The following NLGN4Y variants were observed in gnomAD, a reference collection of about 807,000 sequenced individuals.
The protein encoded by NLGN4Y is neuroligin 4 Y-linked.
A neutral mutation model predicts 8.4 loss-of-function variants in NLGN4Y; 4 were observed. The ratio of observed to expected loss-of-function variants is 0.48; its 90% CI spans 0.23 to 1.09. The LOEUF is 1.09. Among genes scored for constraint, NLGN4Y ranks in the 50% least tolerant of loss-of-function variants. The pLI is 0.19. For synonymous variants in NLGN4Y, 35 were observed against 75.6 expected (o/e 0.46, Z 2.78); for missense variants, 90 against 192.3 (o/e 0.47, Z 3.15).
intron 2 of NLGN4Y, among the ~76,000 whole-genome samples, chrY:14,705,087 CA>C (rs2150546996): frequency 3.1e-5 from 1 of 32,253 alleles, no homozygotes; most frequent in Non-Finnish European, 7.6e-5. Flanking sequence ...ATCTTCCTTC[CA>C]AAGAGTGTAC....
At chrY:14,778,452 C>T (rs964535742) in intron 4 of NLGN4Y, among the ~76,000 whole-genome samples, 5 of 33,894 alleles carry the variant, frequency 1.5e-4, no homozygotes, top group African/African-American at 5.8e-4. Context: ...GGGGCGTCTC[C>T]TATTATTGTG....
chrY:14,657,676 C>T, intron 2 of NLGN4Y, among the ~76,000 whole-genome samples: 1 of 28,099 alleles, frequency 3.6e-5, no homozygotes, highest in Non-Finnish European at 7.9e-5. Context: ...AAAGATGTCA[C>T]TTTGTGCAGC....
intron 4 of NLGN4Y, among the ~76,000 whole-genome samples, chrY:14,735,416 T>C (rs771720219): frequency 5.9e-5 from 2 of 33,940 alleles, no homozygotes; most frequent in African/African-American, 1.1e-4. Flanking sequence ...TTGCTCAACA[T>C]TTTTGTTGCT....
At chrY:14,673,729 C>G in intron 2 of NLGN4Y, among the ~76,000 whole-genome samples, 8 of 33,211 alleles carry the variant, frequency 2.4e-4, no homozygotes, top group Admixed American at 2.2e-3. Flanking sequence ...CACATGCACA[C>G]GTATGTTTAT....
chrY:14,766,305 T>C, intron 4 of NLGN4Y, among the ~76,000 whole-genome samples: 3 of 33,605 alleles, frequency 8.9e-5, no homozygotes, highest in African/African-American at 3.4e-4. Flanking sequence ...AAGAACATTC[T>C]ACAAAATTAG....
At chrY:14,818,563 C>A (rs2043110906) in intron 4 of NLGN4Y, among the ~76,000 whole-genome samples, 1 of 33,243 alleles carries the variant, frequency 3.0e-5, no homozygotes, top group African/African-American at 1.2e-4. Flanking sequence ...CACCCTCAGT[C>A]CTGCTGTTGG....
intron 2 of NLGN4Y, among the ~76,000 whole-genome samples, chrY:14,636,229 A>G: frequency 5.9e-5 from 2 of 33,843 alleles, no homozygotes; most frequent in Admixed American, 5.5e-4. Context: ...ATTCTAATGC[A>G]TATTTTTTTC....
At chrY:14,676,143 C>A in intron 2 of NLGN4Y, among the ~76,000 whole-genome samples, 1 of 32,877 alleles carries the variant, frequency 3.0e-5, no homozygotes, top group African/African-American at 1.2e-4. Flanking sequence ...TAGGAGTTAA[C>A]CCCACCGTCA....
intron 1 of NLGN4Y, among the ~76,000 whole-genome samples, chrY:14,537,275 C>T: frequency 3.0e-5 from 1 of 33,163 alleles, no homozygotes; most frequent in African/African-American, 1.2e-4. Flanking sequence ...TGGTCAGTTT[C>T]AGCCTTTCCT....
At chrY:14,817,527 T>C in intron 4 of NLGN4Y, among the ~76,000 whole-genome samples, 1 of 33,934 alleles carries the variant, frequency 2.9e-5, no homozygotes, top group African/African-American at 1.1e-4. Flanking sequence ...TTCAATTAGA[T>C]GCCTTTTACC....
intron 1 of NLGN4Y, among the ~76,000 whole-genome samples, chrY:14,580,797 A>G: frequency 4.0e-5 from 1 of 24,987 alleles, no homozygotes; most frequent in Non-Finnish European, 8.9e-5. Context: ...AGAACATTGT[A>G]CTGGGTGGAG....
At chrY:14,754,767 A>G in intron 4 of NLGN4Y, among the ~76,000 whole-genome samples, 1 of 33,914 alleles carries the variant, frequency 2.9e-5, no homozygotes, top group Admixed American at 2.7e-4. Flanking sequence ...TTTTGTTCAG[A>G]TAAACTATTT....
intron 4 of NLGN4Y, among the ~76,000 whole-genome samples, chrY:14,778,949 C>A (rs2081137131): frequency 3.0e-5 from 1 of 32,797 alleles, no homozygotes; most frequent in African/African-American, 1.2e-4. Flanking sequence ...GGCTTTGTCG[C>A]CCAGGCTGGA....
intron 2 of NLGN4Y, among the ~76,000 whole-genome samples, chrY:14,649,004 CA>C (rs2080619807): frequency 3.5e-3 from 59 of 16,995 alleles, no homozygotes; most frequent in East Asian, 0.013. Context: ...GAACCTGTCT[CA>C]AAAAAAAAAA....
At chrY:14,776,912 T>C (rs2081128260) in intron 4 of NLGN4Y, among the ~76,000 whole-genome samples, 3 of 33,253 alleles carry the variant, frequency 9.0e-5, no homozygotes, top group Non-Finnish European at 2.2e-4. Flanking sequence ...TCTGTCATTA[T>C]TTTGGCACTT....
chrY:14,632,205 T>C, intron 2 of NLGN4Y, among the ~76,000 whole-genome samples: 7 of 33,716 alleles, frequency 2.1e-4, no homozygotes, highest in African/African-American at 8.1e-4. Context: ...TTTACTGTTG[T>C]AGTGGAGGGG....
intron 1 of NLGN4Y, among the ~76,000 whole-genome samples, chrY:14,596,767 C>T (rs992071090): frequency 1.8e-4 from 6 of 33,209 alleles, no homozygotes; most frequent in Admixed American, 8.2e-4. Flanking sequence ...ATTTAGCCCC[C>T]GAATTCTAAG....
intron 2 of NLGN4Y, among the ~76,000 whole-genome samples, chrY:14,641,312 CA>C (rs781579827): frequency 7.6e-4 from 24 of 31,388 alleles, no homozygotes; most frequent in Admixed American, 5.2e-3. Flanking sequence ...ACTGTTATAT[CA>C]AAAAAAAAGA....
intron 1 of NLGN4Y, among the ~76,000 whole-genome samples, chrY:14,603,064 T>C (rs931324850): frequency 6.0e-5 from 2 of 33,144 alleles, no homozygotes; most frequent in Admixed American, 2.8e-4. Flanking sequence ...AGAAAAAATA[T>C]TGGGGCTGCA....
Sources: gnomAD v4.1 joint callset for allele counts (sites outside exome capture counted in the v4.1 genomes callset) on GRCh38, gnomAD v4.1.1 for gene constraint, MANE v1.5 for transcripts, NCBI Gene and HGNC (gene_info 2026-07-23, HGNC 2026-07-21) for gene names.